The following CCDC171 variants were observed in gnomAD, a reference collection of about 807,000 sequenced individuals.
CCDC171 encodes the protein coiled-coil domain containing 171.
In CCDC171, 177 loss-of-function variants were observed where a neutral mutation model predicts 168.2. The ratio of observed to expected loss-of-function variants is 1.05; its 90% CI spans 0.93 to 1.19. The LOEUF is 1.19. CCDC171 is among the 50% of genes most tolerant of loss of function. CCDC171 has a pLI of 0.00. For synonymous variants in CCDC171, 687 were observed against 540.8 expected (o/e 1.27, Z -3.75); for missense variants, 1,991 against 1,539.0 (o/e 1.29, Z -4.91).
At chr9:15,689,783 G>A (rs996993640) in intron 10 of CCDC171, among the ~76,000 whole-genome samples, 4 of 152,074 alleles carry the variant, frequency 2.6e-5, no homozygotes, top group Admixed American at 6.6e-5. Context: ...GTAGTAACAC[G>A]TTCCAATTTT....
chr9:15,801,271 C>T (rs746901738), intron 21 of CCDC171, among the ~76,000 whole-genome samples: 3 of 151,724 alleles, frequency 2.0e-5, no homozygotes, highest in Non-Finnish European at 4.4e-5. Flanking sequence ...ATTATTTTTG[C>T]ACTCTTTTCC....
chr9:15,790,410 G>C (rs1277235056), intron 21 of CCDC171, among the ~76,000 whole-genome samples: 1 of 152,150 alleles, frequency 6.6e-6, no homozygotes, highest in African/African-American at 2.4e-5. Context: ...AGAAGTGTCT[G>C]TTCACACCCT....
intron 21 of CCDC171, among the ~76,000 whole-genome samples, chr9:15,808,220 G>C (rs146971234): frequency 6.6e-6 from 1 of 152,254 alleles, no homozygotes; most frequent in East Asian, 1.9e-4. Context: ...AGTCACTTTA[G>C]AGAGAAGGAG....
At chr9:15,725,059 A>T (rs972729295) in intron 14 of CCDC171, 83 bp downstream of exon 14, 1 of 1,015,428 alleles carries the variant, frequency 9.8e-7, no homozygotes, top group Non-Finnish European at 1.5e-6. Context: ...TTTTACTTGT[A>T]TTTAATTAAG....
chr9:15,676,363 A>T (rs1254475790), intron 9 of CCDC171, among the ~76,000 whole-genome samples: 2 of 152,060 alleles, frequency 1.3e-5, no homozygotes, highest in Admixed American at 1.3e-4. Context: ...CGACCTTCTG[A>T]ACCCTACTTC....
intron 6 of CCDC171, among the ~76,000 whole-genome samples, chr9:15,606,481 G>A (rs1014551171): frequency 2.0e-5 from 3 of 152,174 alleles, no homozygotes; most frequent in Admixed American, 6.5e-5. Context: ...AACTTTGCTA[G>A]CCTTGGGGAC....
At chr9:15,807,757 C>G (rs528785050) in intron 21 of CCDC171, among the ~76,000 whole-genome samples, 1 of 151,696 alleles carries the variant, frequency 6.6e-6, no homozygotes. Context: ...ATTTCTTCCT[C>G]TCCAGAACTC....
chr9:15,848,996 G>A (rs755770626), intron 23 of CCDC171, 49 bp downstream of exon 23: 14 of 934,362 alleles, frequency 1.5e-5, no homozygotes, highest in Non-Finnish European at 1.1e-5. Flanking sequence ...ATGACACCTA[G>A]TCATTATTTT....
At position 15,818,445 on chromosome 9, in the gene CCDC171, TA is replaced by T. The variant is rs1266649863; in HGVS notation, c.3268-28248del. Among the ~76,000 whole-genome samples, 70 of 114,428 alleles carry T rather than the reference TA, an allele frequency of 6.1e-4. 21 individuals are homozygous for T. Among genetic ancestry groups the T allele is most frequent in the Non-Finnish European group, 6.9e-4 (35 of 51,058 alleles). 75.1% of individuals were successfully genotyped at this position (114,428 alleles called of 152,430 possible). A position where few individuals can be genotyped will look rare whatever the true frequency, so the allele number is the denominator to read the frequency against. On this transcript the variant is annotated intron_variant, in intron 21 of 25. Coordinates refer to ENST00000380701, the MANE Select transcript of CCDC171 (RefSeq NM_173550.4). ...GAATGGCAAAGAAGTTAAAAACCTT[TA>T]AAAAAAAATTAGACGAATGGCTAAC...
chr9:15,706,635 T>C (rs1351184068), intron 11 of CCDC171, among the ~76,000 whole-genome samples: 2 of 152,190 alleles, frequency 1.3e-5, no homozygotes, highest in Non-Finnish European at 2.9e-5. Context: ...GTTTCACTTA[T>C]GCCTGAGGGT....
At chr9:15,883,185 T>C (rs1274606599) in intron 24 of CCDC171, 2 of 219,866 alleles carry the variant, frequency 9.1e-6, no homozygotes, top group South Asian at 9.7e-5. Flanking sequence ...CGCACCACCA[T>C]ACCCAGGTAA....
intron 25 of CCDC171, among the ~76,000 whole-genome samples, chr9:15,953,422 G>A (rs1080484): frequency 0.83 from 126,578 of 152,128 alleles, 52,728 homozygotes; most frequent in East Asian, 0.96. Flanking sequence ...GCTTGTATGC[G>A]TGTATCGAGA....
chr9:15,763,926 T>C (rs974040644), intron 18 of CCDC171, among the ~76,000 whole-genome samples: 2 of 152,160 alleles, frequency 1.3e-5, no homozygotes, highest in African/African-American at 4.8e-5. Flanking sequence ...TTCGAGTAGG[T>C]ACTCAAAGGC....
rs184691305 is a variant in CCDC171, at chr9:15,992,131, A to G, written n.369-28458A>G. ...GCCTGGCAGAGACACAACAAAAAAA[A>G]GAGAATTTTAGACCAATATCCCTGA... On this transcript the variant is annotated intron_variant and non_coding_transcript_variant, in intron 3 of 9. Transcript: ENST00000486641. Among the ~76,000 whole-genome samples the G allele has an allele frequency of 3.5e-3, 539 of 152,326 alleles. 5 individuals carry two copies. Among genetic ancestry groups the G allele is most frequent in the African/African-American group, 0.012 (504 of 41,582 alleles).
intron 24 of CCDC171, among the ~76,000 whole-genome samples, chr9:15,905,223 T>G (rs10810466): frequency 6.7e-6 from 1 of 150,064 alleles, no homozygotes; most frequent in South Asian, 2.1e-4. Context: ...ATATACATTC[T>G]TCTCAGCACC....
At chr9:15,631,384 G>C (rs201918429) in intron 7 of CCDC171, among the ~76,000 whole-genome samples, 680 of 152,054 alleles carry the variant, frequency 4.5e-3, no homozygotes, top group Middle Eastern at 0.01. Flanking sequence ...TCAGAGAATA[G>C]TATAAACACC....
downstream of CCDC171, among the ~76,000 whole-genome samples, chr9:15,976,318 G>A (rs1831618434): frequency 6.6e-6 from 1 of 152,022 alleles, no homozygotes; most frequent in Admixed American, 6.6e-5. Flanking sequence ...CGTAATAATT[G>A]CCTTCATAAC....
intron 20 of CCDC171, among the ~76,000 whole-genome samples, chr9:15,781,894 G>C (rs1487399759): frequency 1.3e-5 from 2 of 152,016 alleles, no homozygotes; most frequent in Non-Finnish European, 2.9e-5. Flanking sequence ...TACAGATGGG[G>C]CTTTTGGAGC....
chr9:16,006,131 A>C (rs1832688740), intron 3 of CCDC171, among the ~76,000 whole-genome samples: 1 of 152,064 alleles, frequency 6.6e-6, no homozygotes, highest in South Asian at 2.1e-4. Context: ...CAAAGTTCTG[A>C]GATTACAGGA....
Sources: gnomAD v4.1 joint callset for allele counts (sites outside exome capture counted in the v4.1 genomes callset) on GRCh38, gnomAD v4.1.1 for gene constraint, MANE v1.5 for transcripts, NCBI Gene and HGNC (gene_info 2026-07-23, HGNC 2026-07-21) for gene names.